Variants in MACROD2 observed in about 807,000 individuals in gnomAD.
The protein encoded by MACROD2 is ADP-ribose glycohydrolase MACROD2.
Under a neutral mutation model 70.4 loss-of-function variants are expected in MACROD2, and 36 were observed. The ratio of observed to expected loss-of-function variants is 0.51; its 90% CI spans 0.39 to 0.68. The LOEUF (loss-of-function observed/expected upper bound fraction) is 0.68, where lower values mean the gene tolerates loss of function less well. Ranked by LOEUF, MACROD2 falls within the 30% of genes least tolerant of loss-of-function variation. The pLI is 0.00. For synonymous variants in MACROD2, 172 were observed against 178.8 expected (o/e 0.96, Z 0.30); for missense variants, 496 against 538.4 (o/e 0.92, Z 0.78).
intron 4 of MACROD2, among the ~76,000 whole-genome samples, chr20:14,634,752 G>A (rs914252305): frequency 1.2e-4 from 18 of 152,210 alleles, no homozygotes; most frequent in African/African-American, 3.4e-4. Context: ...AATAGGCATA[G>A]CATGTTTAAA....
At chr20:15,722,525 T>G (rs2050801521) in intron 8 of MACROD2, among the ~76,000 whole-genome samples, 1 of 152,236 alleles carries the variant, frequency 6.6e-6, no homozygotes. Context: ...ATTTCCTTTT[T>G]GTGAAGTATC....
intron 4 of MACROD2, among the ~76,000 whole-genome samples, chr20:14,530,289 G>C (rs984792693): frequency 2.6e-5 from 4 of 152,182 alleles, no homozygotes; most frequent in African/African-American, 9.7e-5. Flanking sequence ...GAACTGATAA[G>C]GCTCAGGGGA....
chr20:15,774,150 A>G (rs2051682336), intron 8 of MACROD2, among the ~76,000 whole-genome samples: 1 of 152,150 alleles, frequency 6.6e-6, no homozygotes, highest in Non-Finnish European at 1.5e-5. Context: ...GACAGTTGCA[A>G]CCACTTGTTT....
intron 3 of MACROD2, among the ~76,000 whole-genome samples, chr20:14,293,166 C>T (rs1486464781): frequency 2.0e-5 from 3 of 151,436 alleles, no homozygotes; most frequent in Non-Finnish European, 2.9e-5. Flanking sequence ...CAATCATTTA[C>T]CCAACAAATA....
chr20:15,848,433 C>G (rs1220496130), intron 8 of MACROD2, among the ~76,000 whole-genome samples: 1 of 152,010 alleles, frequency 6.6e-6, no homozygotes, highest in African/African-American at 2.4e-5. Flanking sequence ...TATATACAGC[C>G]AAGCATGAAT....
chr20:15,009,772 A>ATTTTT (rs79069561), intron 5 of MACROD2, among the ~76,000 whole-genome samples: 2 of 117,900 alleles, frequency 1.7e-5, no homozygotes, highest in Admixed American at 8.5e-5. Flanking sequence ...CCACCTCCCT[A>ATTTTT]TTTTTTTTTT....
At chr20:15,430,417 A>G (rs905105604) in intron 6 of MACROD2, among the ~76,000 whole-genome samples, 1 of 152,056 alleles carries the variant, frequency 6.6e-6, no homozygotes, top group Non-Finnish European at 1.5e-5. Flanking sequence ...AATAGTCCAC[A>G]ACACATTTCT....
intron 6 of MACROD2, among the ~76,000 whole-genome samples, chr20:15,375,347 G>A (rs1226482764): frequency 6.6e-6 from 1 of 152,160 alleles, no homozygotes; most frequent in East Asian, 1.9e-4. Flanking sequence ...ACAACAAGGT[G>A]AAGAAAATTA....
In MACROD2 at chr20:15,859,753, C is replaced by T. The variant is rs529104164; in HGVS notation, c.646-2992C>T. The stretch of plus-strand genomic sequence containing the variant: ...TAAAAAGTGTTTCACTGTCACCATC[C>T]CCGCGCTTTTTTTTTTTTTTCTGGG... On this transcript the variant is annotated intron_variant, in intron 8 of 17. Transcript: ENST00000684519. Among the ~76,000 whole-genome samples the T allele has an allele frequency of 6.4e-4, 76 of 119,406 alleles. 1 individual carries two copies. The highest frequency in any genetic ancestry group is 1.9e-3 in the African/African-American group (74 of 38,720). 78.3% of individuals were successfully genotyped at this position (119,406 alleles called of 152,430 possible).
chr20:15,821,731 T>C (rs1388421145), intron 8 of MACROD2, among the ~76,000 whole-genome samples: 1 of 152,224 alleles, frequency 6.6e-6, no homozygotes, highest in Non-Finnish European at 1.5e-5. Flanking sequence ...TTAGGTACTA[T>C]AAGTACTCTA....
chr20:15,171,522 T>C (rs1269483980), intron 5 of MACROD2, among the ~76,000 whole-genome samples: 1 of 152,012 alleles, frequency 6.6e-6, no homozygotes, highest in Non-Finnish European at 1.5e-5. Flanking sequence ...ATAAGCTCTT[T>C]GTAGTATTAG....
intron 5 of MACROD2, among the ~76,000 whole-genome samples, chr20:14,925,072 T>G (rs1465404421): frequency 1.3e-5 from 2 of 152,034 alleles, no homozygotes. Context: ...AACTACGTAA[T>G]GCTTGTCTTT....
At chr20:14,143,522 T>C (rs2054903849) in intron 3 of MACROD2, among the ~76,000 whole-genome samples, 1 of 152,090 alleles carries the variant, frequency 6.6e-6, no homozygotes, top group Non-Finnish European at 1.5e-5. Flanking sequence ...TCTTCTGATA[T>C]GTGTGGAATT....
intron 15 of MACROD2, among the ~76,000 whole-genome samples, chr20:16,035,153 AATATAATATAAAATATAAAATATTAT>A (rs1568726082): frequency 1.2e-5 from 1 of 86,522 alleles, no homozygotes; most frequent in Non-Finnish European, 2.1e-5. Context: ...TTATATATAA[AATATAATATAAAATATAAAATATTAT>A]ATATTATATA....
At chr20:14,522,582 CT>C (rs944375886) in intron 4 of MACROD2, among the ~76,000 whole-genome samples, 1 of 152,180 alleles carries the variant, frequency 6.6e-6, no homozygotes, top group Non-Finnish European at 1.5e-5. Flanking sequence ...CAGGTCTTTT[CT>C]TGTTTGTGGA....
chr20:15,661,247 T>C (rs940726836), intron 8 of MACROD2, among the ~76,000 whole-genome samples: 19 of 152,200 alleles, frequency 1.2e-4, no homozygotes, highest in African/African-American at 4.3e-4. Context: ...AAAGAATACC[T>C]GAAGCTGGGT....
intron 8 of MACROD2, among the ~76,000 whole-genome samples, chr20:15,784,979 T>C (rs2051896905): frequency 7.2e-6 from 1 of 139,130 alleles, no homozygotes; most frequent in Non-Finnish European, 1.5e-5. Flanking sequence ...AAACCACGTC[T>C]CTACTAAAAA....
intron 8 of MACROD2, among the ~76,000 whole-genome samples, chr20:15,557,541 T>C (rs1456979904): frequency 6.6e-6 from 1 of 152,230 alleles, no homozygotes; most frequent in Non-Finnish European, 1.5e-5. Context: ...CATTGGCCCC[T>C]TGGGTCATCC....
intron 8 of MACROD2, among the ~76,000 whole-genome samples, chr20:15,789,053 A>G (rs1214621276): frequency 6.6e-6 from 1 of 152,210 alleles, no homozygotes; most frequent in African/African-American, 2.4e-5. Context: ...GCAACTTTGC[A>G]TTTTAGGCTG....
Sources: allele counts gnomAD v4.1 joint callset (sites outside exome capture counted in the v4.1 genomes callset), GRCh38; gene constraint gnomAD v4.1.1; transcripts MANE v1.5; gene names NCBI Gene and HGNC (gene_info 2026-07-23, HGNC 2026-07-21).